The following RPS6KA4 variants were observed in gnomAD, a reference collection of about 807,000 sequenced individuals.
RPS6KA4 encodes the protein ribosomal protein S6 kinase alpha-4.
Under a neutral mutation model 89.6 loss-of-function variants are expected in RPS6KA4, and 38 were observed. That is an observed-to-expected ratio of 0.42 (90% CI 0.33 to 0.56). The LOEUF is 0.56. RPS6KA4 is among the 20% of genes least tolerant of loss of function. The pLI is 0.07. For missense variants in RPS6KA4, 873 were observed against 1,098.8 expected, an observed-to-expected ratio of 0.79 and a Z score of 2.90; for synonymous variants, 495 against 492.8, an observed-to-expected ratio of 1.00 and a Z score of -0.06.
At position 64,360,459 on chromosome 11, in the gene RPS6KA4, T is replaced by C. The variant is rs574643485; in HGVS notation, c.347-18T>C. The C allele has an allele frequency of 4.4e-6, 7 of 1,607,262 alleles. No individual in the cohort carries two copies. The South Asian group carries it at 6.7e-5, about 15-fold the overall frequency. ...CCACCTGACGGGGCTGCTTCCTGAC[T>C]TCCACTGCACCTCCCAGACTATGTG... On this transcript the variant is annotated intron_variant, in intron 3 of 16. Transcript: ENST00000334205.
rs2036707827 is a variant in RPS6KA4 at position 64,360,295 on chromosome 11, C to G, written c.260C>G (p.Ser87Trp). 1 of 1,547,942 alleles carries G rather than the reference C, an allele frequency of 6.5e-7. No individual in the cohort carries two copies. Among genetic ancestry groups the G allele is most frequent in the Non-Finnish European group, 8.7e-7 (1 of 1,146,228 alleles). The part of the protein sequence containing the change: ...KTQEHTRTER[S>W]VLELVRQAPF... The stretch of plus-strand genomic sequence containing the variant: ...CAAGAGCACACGCGCACCGAGCGCT[C>G]GGTGCTGGAGCTGGTGCGCCAGGCG... Residue 87 changes from serine (S) to tryptophan (W), a missense_variant, in exon 3 of 17, where the codon TCG becomes TGG. Transcript: ENST00000334205.
chr11:64,361,087 G>A lies in RPS6KA4; in HGVS notation c.463-47G>A, dbSNP rs79912834. ...CAGGGCCAGGAGCTGGAGGAGCTGG[G>A]GAGGGTTTCGGGGAGGAAGCCTCAG... On this transcript the variant is annotated intron_variant, in intron 4 of 16. Transcript: ENST00000334205. The surrounding 1 kb of genome is among the most constrained non-coding windows in gnomAD (Gnocchi z 4.7). 5.8e-5 allele frequency: 89 copies of A among 1,533,876 alleles called. No homozygotes were observed. In the East Asian group the frequency reaches 1.9e-3, roughly 33 times the overall value.
In RPS6KA4 at chr11:64,368,771, A is replaced by C; in HGVS notation, c.1402A>C (p.Asn468His). The change falls in exon 12 of 17, where the codon AAT (asparagine) becomes CAT (histidine). Residue 468 changes from asparagine (N) to histidine (H), a missense_variant. By Grantham distance (68) the Asn-to-His change is moderately conservative. This residue lies in a region of RPS6KA4 where 542 missense variants were observed against 736.4 expected (regional missense o/e 0.74). Coordinates refer to ENST00000334205, the MANE Select transcript of RPS6KA4 (RefSeq NM_003942.3). The stretch of plus-strand genomic sequence containing the variant: ...GTGCCAGTCACACCCCAACGTGGTG[A>C]ATCTGCACGAGGTGCATCACGACCA... Reference protein sequence around the residue: ...RLCQSHPNVVNLHEVHHDQLH... With the variant: ...RLCQSHPNVVHLHEVHHDQLH... 5 of 1,571,372 alleles carry C rather than the reference A, an allele frequency of 3.2e-6. No individual in the cohort carries two copies. Among genetic ancestry groups the C allele is most frequent in the Middle Eastern group, 1.7e-4 (1 of 6,010 alleles).
chr11:64,365,280 CCT>C lies in RPS6KA4; in HGVS notation c.907-18_907-17del. 6.2e-7 allele frequency: 1 copy of C among 1,607,848 alleles called. No homozygotes were observed. The highest frequency in any genetic ancestry group is 1.1e-5 in the South Asian group (1 of 90,698). Reference sequence around the variant, plus strand: ...CTCGTTCCTGGCCTTTGACACCTGACCTCTGATTCCCTTCCCTCAGGGCCTCG... The same window carrying C: ...CTCGTTCCTGGCCTTTGACACCTGACCTGATTCCCTTCCCTCAGGGCCTCG... On this transcript the variant is annotated intron_variant, in intron 8 of 16. Transcript: ENST00000334205.
In RPS6KA4 at chr11:64,361,311, G is replaced by A. The variant is rs904326915; in HGVS notation, c.570+70G>A. The A allele has an allele frequency of 1.3e-6, 2 of 1,497,950 alleles. No homozygotes were observed. Among genetic ancestry groups the A allele is most frequent in the South Asian group, 1.2e-5 (1 of 86,948 alleles). The allele number at this position is 1,497,950 out of a possible 1,614,324, so 92.8% of individuals were successfully genotyped here. On this transcript the variant is annotated intron_variant, in intron 5 of 16. Transcript: ENST00000334205. This position sits in a 1 kb window ranked among gnomAD's most constrained non-coding sequence, Gnocchi z 4.7. ...CTCCTTCCTGCCTCTTCCTGCTCTG[G>A]GCCTGCATTCTGGGGCTGCAGAAGT...
chr11:64,365,181 C>A, intron 8 of RPS6KA4, 120 bp from the exon 9 acceptor site: 1 of 1,179,014 alleles, frequency 8.5e-7, no homozygotes, highest in Non-Finnish European at 1.2e-6. Flanking sequence ...AACAGCTGCC[C>A]ACCCCAAATG....
At chr11:64,367,436 G>A (rs547709760) in intron 9 of RPS6KA4, among the ~76,000 whole-genome samples, 1 of 152,160 alleles carries the variant, frequency 6.6e-6, no homozygotes, top group East Asian at 1.9e-4. Flanking sequence ...TCAGCCTCCC[G>A]AGTAGCTGGG....
Position 64,361,498 on chromosome 11 carries a change from C to T in RPS6KA4, c.600C>T (p.Thr200=). Residue 200 remains threonine (T), a synonymous_variant, in exon 6 of 17, where the codon ACC becomes ACT. Coordinates refer to ENST00000334205, the MANE Select transcript of RPS6KA4 (RefSeq NM_003942.3). This position sits in a 1 kb window ranked among gnomAD's most constrained non-coding sequence, Gnocchi z 4.7. ...EKERTFSFCG[T]IEYMAPEIIR... is the part of the protein sequence containing the mutation. ...AGCGGACCTTCTCCTTCTGTGGCAC[C>T]ATCGAGTACATGGCCCCCGAAATCA... is the stretch of plus-strand genomic sequence containing the variant. 2 of 1,614,150 alleles carry T rather than the reference C, an allele frequency of 1.2e-6. No homozygotes were observed. Among genetic ancestry groups the T allele is most frequent in the East Asian group, 2.2e-5 (1 of 44,884 alleles).
chr11:64,370,322 G>C lies in RPS6KA4; in HGVS notation c.1895G>C (p.Arg632Pro). Residue 632 changes from arginine to proline, a missense_variant, in exon 15 of 17, where the codon CGC becomes CCC. By Grantham distance (103) the Arg-to-Pro change is moderately radical. Transcript: ENST00000334205. The surrounding 1 kb of genome is among the most constrained non-coding windows in gnomAD (Gnocchi z 4.1). ...ATCATGTGCAAAATCCGCGAGGGGC[G>C]CTTCTCCCTTGACGGGGAGGCCTGG... is the stretch of plus-strand genomic sequence containing the variant. ...AEIMCKIREGRFSLDGEAWQG... is the reference protein window; with the variant it reads ...AEIMCKIREGPFSLDGEAWQG... 6.3e-7 allele frequency: 1 copy of C among 1,597,528 alleles called. No individual in the cohort carries two copies. The highest frequency in any genetic ancestry group is 8.5e-7 in the Non-Finnish European group (1 of 1,175,542).
chr11:64,360,217 T>C lies in RPS6KA4; in HGVS notation c.182T>C (p.Leu61Pro), dbSNP rs1259841353. Reference protein sequence around the residue: ...RKAGGHDAGKLYAMKVLRKAA... With the variant: ...RKAGGHDAGKPYAMKVLRKAA... Reference sequence around the variant, plus strand: ...GCGGGCGGGCACGACGCGGGGAAGCTGTACGCCATGAAGGTGCTGCGCAAG... The same window carrying C: ...GCGGGCGGGCACGACGCGGGGAAGCCGTACGCCATGAAGGTGCTGCGCAAG... Residue 61 changes from leucine to proline, a missense_variant, in exon 3 of 17, where the codon CTG (leucine) becomes CCG (proline). Leu to Pro is a moderately conservative substitution (Grantham distance 98). This residue lies in a region of RPS6KA4 where 542 missense variants were observed against 736.4 expected (regional missense o/e 0.74). Coordinates refer to ENST00000334205, the MANE Select transcript of RPS6KA4 (RefSeq NM_003942.3). 6.5e-7 allele frequency: 1 copy of C among 1,548,382 alleles called. No homozygotes were observed. The highest frequency in any genetic ancestry group is 8.7e-7 in the Non-Finnish European group (1 of 1,146,934).
intron 10 of RPS6KA4, 61 bp downstream of exon 10, chr11:64,368,321 A>G (rs1002361819): frequency 1.9e-6 from 3 of 1,583,422 alleles, no homozygotes; most frequent in African/African-American, 2.7e-5. Context: ...AGGCCCGGGG[A>G]CTCTAGGCCT....
rs1266504529 is a variant in RPS6KA4 at position 64,368,200 on chromosome 11, A to G, written c.1140A>G (p.Glu380=). 1 of 1,613,698 alleles carries G rather than the reference A, an allele frequency of 6.2e-7. No homozygotes were observed. The highest frequency in any genetic ancestry group is 1.6e-4 in the Middle Eastern group (1 of 6,062). ...ACGCGGTGATGACCGATGGGCTGGAAGCGCCTGGTGCTGGAGACCGGCCAG... is the reference window on the plus strand; with the variant it reads ...ACGCGGTGATGACCGATGGGCTGGAGGCGCCTGGTGCTGGAGACCGGCCAG... ...HNNAVMTDGL[E]APGAGDRPGR... The change falls in exon 10 of 17, where the codon GAA becomes GAG. Residue 380 remains glutamate (E), a synonymous_variant. Coordinates refer to ENST00000334205, the MANE Select transcript of RPS6KA4 (RefSeq NM_003942.3).
chr11:64,361,067 C>A lies in RPS6KA4; in HGVS notation c.463-67C>A. On this transcript the variant is annotated intron_variant, in intron 4 of 16. Coordinates refer to ENST00000334205, the MANE Select transcript of RPS6KA4 (RefSeq NM_003942.3). The surrounding 1 kb of genome is among the most constrained non-coding windows in gnomAD (Gnocchi z 4.7). ...GGGGGTCTCCTTATCCTGAGCAGGG[C>A]CAGGAGCTGGAGGAGCTGGGGAGGG... 7.2e-7 allele frequency: 1 copy of A among 1,382,986 alleles called. No homozygotes were observed. Among genetic ancestry groups the A allele is most frequent in the Non-Finnish European group, 1.0e-6 (1 of 986,340 alleles). 85.7% of individuals were successfully genotyped at this position (1,382,986 alleles called of 1,614,324 possible).
chr11:64,367,500 G>A lies in RPS6KA4; in HGVS notation c.1072-632G>A, dbSNP rs529679389. The stretch of plus-strand genomic sequence containing the variant: ...TAATTTTTGTATTATTAGTAGAGAT[G>A]GGGTTTCTCCATGTTGGTCAGGCTG... On this transcript the variant is annotated intron_variant, in intron 9 of 16. Transcript: ENST00000334205. Among the ~76,000 whole-genome samples the A allele has an allele frequency of 1.6e-3, 242 of 152,204 alleles. 2 individuals carry two copies. The highest frequency in any genetic ancestry group is 2.8e-3 in the Non-Finnish European group (191 of 68,024).
chr11:64,365,809 C>G (rs1401934613), intron 9 of RPS6KA4, among the ~76,000 whole-genome samples: 1 of 152,046 alleles, frequency 6.6e-6, no homozygotes, highest in Non-Finnish European at 1.5e-5. Context: ...GAGGCTGAGG[C>G]AGGTGGATCA....
rs1428329357 is a variant in RPS6KA4 at position 64,369,391 on chromosome 11, AG to A, written c.1429-50del. On this transcript the variant is annotated intron_variant, in intron 12 of 16. Coordinates refer to ENST00000334205, the MANE Select transcript of RPS6KA4 (RefSeq NM_003942.3). ...CCGGGGGCGGGGCCTGGGTGGTGGG[AG>A]GGGGCTTGCCGCCGTGGGTGGGTGT... 3 of 1,483,834 alleles carry A rather than the reference AG, an allele frequency of 2.0e-6. No homozygotes were observed. In the African/African-American group the frequency reaches 4.3e-5, roughly 21 times the overall value. The allele number at this position is 1,483,834 out of a possible 1,614,324, so 91.9% of individuals were successfully genotyped here.
intron 9 of RPS6KA4, among the ~76,000 whole-genome samples, chr11:64,367,404 G>A (rs931372978): frequency 2.0e-4 from 30 of 152,288 alleles, no homozygotes; most frequent in African/African-American, 6.0e-4. Context: ...TCTGCCTCCC[G>A]GGTTCAAGCG....
Position 64,361,244 on chromosome 11 carries a change from G to C in RPS6KA4, c.570+3G>C. ...GCAAGGAGTTCCTGACGGAGGAGGTGAGTGGAGGCCACCTCTGCCTGCAGT... is the reference window on the plus strand; with the variant it reads ...GCAAGGAGTTCCTGACGGAGGAGGTCAGTGGAGGCCACCTCTGCCTGCAGT... On this transcript the variant is annotated splice_donor_region_variant and intron_variant, in intron 5 of 16. Coordinates refer to ENST00000334205, the MANE Select transcript of RPS6KA4 (RefSeq NM_003942.3). This position sits in a 1 kb window ranked among gnomAD's most constrained non-coding sequence, Gnocchi z 4.7. 2 of 1,611,682 alleles carry C rather than the reference G, an allele frequency of 1.2e-6. No individual in the cohort carries two copies. The highest frequency in any genetic ancestry group is 1.7e-6 in the Non-Finnish European group (2 of 1,178,664).
chr11:64,360,577 G>GGAACACCTGCACAAGGTGGGT lies in RPS6KA4; in HGVS notation c.451_462+9dup, dbSNP rs1360773749. 6.2e-7 allele frequency: 1 copy of GGAACACCTGCACAAGGTGGGT among 1,608,264 alleles called. No individual in the cohort carries two copies. Among genetic ancestry groups the GGAACACCTGCACAAGGTGGGT allele is most frequent in the East Asian group, 2.2e-5 (1 of 44,532 alleles). On this transcript the variant is annotated inframe_insertion, in exon 4 of 17. Transcript: ENST00000334205. ...ATGGGGGTGAGATCGTGCTGGCCCT[G>GGAACACCTGCACAAGGTGGGT]GAACACCTGCACAAGGTGGGTGAAG...
Sources: allele counts gnomAD v4.1 joint callset (sites outside exome capture counted in the v4.1 genomes callset), GRCh38; gene constraint gnomAD v4.1.1; regional missense constraint gnomAD v4.1.1; non-coding constraint Gnocchi (gnomAD v3.1); transcripts MANE v1.5; gene names NCBI Gene and HGNC (gene_info 2026-07-23, HGNC 2026-07-21).